Variants in SHTN1 observed in about 807,000 individuals in gnomAD.
SHTN1 encodes shootin 1.
Under a neutral mutation model 83.1 loss-of-function variants are expected in SHTN1, and 42 were observed. The ratio of observed to expected loss-of-function variants is 0.51; its 90% CI spans 0.39 to 0.65. SHTN1 has a LOEUF of 0.65. Ranked by LOEUF, SHTN1 falls within the 30% of genes least tolerant of loss-of-function variation. SHTN1 has a pLI of 0.00. For synonymous variants in SHTN1, 224 were observed against 247.7 expected, an observed-to-expected ratio of 0.90 and a Z score of 0.90; for missense variants, 622 against 737.8, an observed-to-expected ratio of 0.84 and a Z score of 1.82.
At chr10:117,122,049 TA>T (rs1172609925) in intron 1 of SHTN1, among the ~76,000 whole-genome samples, 1 of 151,956 alleles carries the variant, frequency 6.6e-6, no homozygotes, top group Non-Finnish European at 1.5e-5. Context: ...AAAAATAAAA[TA>T]AAAATAAATA....
chr10:116,890,696 C>A (rs943565592), intron 16 of SHTN1, among the ~76,000 whole-genome samples: 3 of 152,228 alleles, frequency 2.0e-5, no homozygotes, highest in Non-Finnish European at 2.9e-5. Flanking sequence ...TTTTAGAAAG[C>A]AGCTATTGTG....
chr10:117,111,238 G>GC (rs1853763844), intron 1 of SHTN1, among the ~76,000 whole-genome samples: 1 of 152,084 alleles, frequency 6.6e-6, no homozygotes, highest in Non-Finnish European at 1.5e-5. Flanking sequence ...CTAAGCCTCA[G>GC]CCCCCAAATT....
intron 14 of SHTN1, among the ~76,000 whole-genome samples, chr10:116,911,066 T>G (rs1848171411): frequency 6.6e-6 from 1 of 152,218 alleles, no homozygotes; most frequent in Non-Finnish European, 1.5e-5. Flanking sequence ...TGACTTACTG[T>G]GCATAATAAC....
At chr10:116,950,181 T>A (rs1379504590) in intron 6 of SHTN1, among the ~76,000 whole-genome samples, 1 of 152,168 alleles carries the variant, frequency 6.6e-6, no homozygotes, top group African/African-American at 2.4e-5. Flanking sequence ...ATAATTTTTT[T>A]AGAGACAGGG....
chr10:117,057,871 C>T (rs1356688619), intron 1 of SHTN1, among the ~76,000 whole-genome samples: 1 of 152,054 alleles, frequency 6.6e-6, no homozygotes, highest in Non-Finnish European at 1.5e-5. Flanking sequence ...CATCACAAGA[C>T]GTTTAAAGAA....
intron 2 of SHTN1, among the ~76,000 whole-genome samples, chr10:117,034,176 C>G (rs1292638589): frequency 3.9e-5 from 6 of 152,100 alleles, no homozygotes; most frequent in African/African-American, 1.4e-4. Context: ...ACTGAAAGTC[C>G]TAGCTACAGC....
intron 2 of SHTN1, among the ~76,000 whole-genome samples, chr10:117,031,816 G>C (rs1003108827): frequency 1.3e-5 from 2 of 151,958 alleles, no homozygotes; most frequent in African/African-American, 4.8e-5. Context: ...TCACTAAAAG[G>C]AAGAAAGGAA....
At chr10:117,039,536 A>G (rs533283921) in intron 2 of SHTN1, among the ~76,000 whole-genome samples, 2 of 152,266 alleles carry the variant, frequency 1.3e-5, no homozygotes, top group African/African-American at 2.4e-5. Context: ...TAATAAATGT[A>G]TCACTCTGAT....
chr10:117,075,692 T>C (rs1256841006), intron 1 of SHTN1, among the ~76,000 whole-genome samples: 4 of 152,222 alleles, frequency 2.6e-5, no homozygotes, highest in Non-Finnish European at 5.9e-5. Flanking sequence ...GTGGCTCAAC[T>C]AGGACCTGAA....
Position 116,885,142 on chromosome 10 carries a change from C to G in SHTN1, c.*1202G>C, listed in dbSNP as rs953147696. 2 of 152,650 alleles carry G rather than the reference C, an allele frequency of 1.3e-5. No homozygotes were observed. Among genetic ancestry groups the G allele is most frequent in the African/African-American group, 4.8e-5 (2 of 41,464 alleles). 9.5% of individuals were successfully genotyped at this position (152,650 alleles called of 1,614,324 possible). A position where few individuals can be genotyped will look rare whatever the true frequency, so the allele number is the denominator to read the frequency against. On this transcript the variant is annotated 3_prime_UTR_variant, in exon 17 of 17. Coordinates refer to ENST00000355371, the MANE Select transcript of SHTN1 (RefSeq NM_001127211.3). ...GCAAAAATACAATACAATACAACTACTGCAATTATTACTATCATTTTCTTT... is the reference window on the plus strand; with the variant it reads ...GCAAAAATACAATACAATACAACTAGTGCAATTATTACTATCATTTTCTTT...
intron 1 of SHTN1, among the ~76,000 whole-genome samples, chr10:116,988,786 T>C (rs1167067805): frequency 1.3e-5 from 2 of 152,074 alleles, no homozygotes; most frequent in South Asian, 2.1e-4. Flanking sequence ...ACAATCCACC[T>C]ACCTCAGCCT....
chr10:117,036,596 C>T (rs1852500325), intron 2 of SHTN1, among the ~76,000 whole-genome samples: 2 of 152,080 alleles, frequency 1.3e-5, no homozygotes, highest in African/African-American at 4.8e-5. Context: ...CAATTGAACT[C>T]ATGGAGATAA....
intron 7 of SHTN1, 48 bp downstream of exon 7, chr10:116,948,868 A>G (rs1251739960): frequency 1.5e-6 from 2 of 1,319,820 alleles, no homozygotes; most frequent in African/African-American, 1.5e-5. Flanking sequence ...ATATGCAAAC[A>G]GAACACACCG....
intron 3 of SHTN1, among the ~76,000 whole-genome samples, chr10:116,962,469 C>A (rs1850217075): frequency 6.6e-6 from 1 of 152,094 alleles, no homozygotes. Context: ...AACTACTTGA[C>A]ATCTTCTGCC....
chr10:116,889,987 G>A (rs927677848), intron 16 of SHTN1, among the ~76,000 whole-genome samples: 2 of 151,982 alleles, frequency 1.3e-5, no homozygotes, highest in Non-Finnish European at 2.9e-5. Context: ...CATTCCTATC[G>A]TATGGGAAGA....
At chr10:116,988,370 G>C (rs987494930) in intron 1 of SHTN1, among the ~76,000 whole-genome samples, 6 of 151,538 alleles carry the variant, frequency 4.0e-5, no homozygotes, top group Admixed American at 3.3e-4. Context: ...ATCTGAAATG[G>C]AATCAAGCCT....
chr10:116,927,378 G>A (rs77853620), intron 11 of SHTN1, among the ~76,000 whole-genome samples: 1,657 of 152,268 alleles, frequency 0.011, 20 homozygotes, highest in African/African-American at 0.031. Context: ...AATTATAAAG[G>A]AAAGAGGTTT....
chr10:117,073,508 AT>A (rs531519417), intron 1 of SHTN1, among the ~76,000 whole-genome samples: 1 of 152,216 alleles, frequency 6.6e-6, no homozygotes, highest in Non-Finnish European at 1.5e-5. Flanking sequence ...ATTATAGTGC[AT>A]TTCCAATATG....
intron 9 of SHTN1, among the ~76,000 whole-genome samples, chr10:116,935,914 A>C (rs1181386061): frequency 1.3e-5 from 2 of 152,116 alleles, no homozygotes; most frequent in East Asian, 1.9e-4. Flanking sequence ...TGTGTCCAGC[A>C]ATTTATCCAT....
Sources: gnomAD v4.1 joint callset for allele counts (sites outside exome capture counted in the v4.1 genomes callset) on GRCh38, gnomAD v4.1.1 for gene constraint, MANE v1.5 for transcripts, NCBI Gene and HGNC (gene_info 2026-07-23, HGNC 2026-07-21) for gene names.